Variants in VAT1L observed in about 807,000 individuals in gnomAD.
The protein encoded by VAT1L is vesicle amine transport 1 like.
Under a neutral mutation model 44.1 loss-of-function variants are expected in VAT1L, and 34 were observed. The observed-to-expected ratio is 0.77, with a 90% confidence interval of 0.59 to 1.03. VAT1L has a LOEUF of 1.03. Among genes scored for constraint, VAT1L ranks in the 50% least tolerant of loss-of-function variants. The pLI is 0.00. For missense variants in VAT1L, 615 were observed against 538.8 expected (o/e 1.14, Z -1.40); for synonymous variants, 253 against 202.2 (o/e 1.25, Z -2.13).
chr16:77,823,132 C>T (rs970128604), intron 2 of VAT1L, among the ~76,000 whole-genome samples: 1 of 151,880 alleles, frequency 6.6e-6, no homozygotes, highest in Non-Finnish European at 1.5e-5. Context: ...TTCCAAAATA[C>T]GCAGAACTGG....
intron 7 of VAT1L, among the ~76,000 whole-genome samples, chr16:77,894,689 A>G (rs2142470198): frequency 6.6e-6 from 1 of 152,336 alleles, no homozygotes. Context: ...ATACATTTTA[A>G]GTGGGTGAAT....
chr16:77,925,566 G>A (rs560780799), intron 7 of VAT1L, among the ~76,000 whole-genome samples: 6 of 152,228 alleles, frequency 3.9e-5, no homozygotes, highest in East Asian at 1.9e-4. Context: ...AGCTTTCCAC[G>A]TTCTAGCGTT....
At chr16:77,953,320 G>C (rs2018065409) in intron 7 of VAT1L, among the ~76,000 whole-genome samples, 1 of 152,210 alleles carries the variant, frequency 6.6e-6, no homozygotes, top group Admixed American at 6.5e-5. Flanking sequence ...AGCAACCCTA[G>C]GAAACTAATA....
chr16:77,794,318 G>T (rs1050449737), intron 1 of VAT1L, among the ~76,000 whole-genome samples: 2 of 152,104 alleles, frequency 1.3e-5, no homozygotes, highest in Admixed American at 6.5e-5. Flanking sequence ...TTATGTTTAT[G>T]CACCACATCC....
chr16:77,876,350 T>C lies in VAT1L; in HGVS notation c.723-20T>C. ...CTCCTGACAGGTCACAGAATTTTGC[T>C]TTGCCTTCTCACCATTTAGAATCTC... On this transcript the variant is annotated intron_variant, in intron 4 of 8. Transcript: ENST00000302536. 1 of 1,612,128 alleles carries C rather than the reference T, an allele frequency of 6.2e-7. No homozygotes were observed. The highest frequency in any genetic ancestry group is 8.5e-7 in the Non-Finnish European group (1 of 1,178,166).
intron 7 of VAT1L, among the ~76,000 whole-genome samples, chr16:77,925,905 G>A (rs979818617): frequency 6.6e-6 from 1 of 152,046 alleles, no homozygotes; most frequent in East Asian, 1.9e-4. Flanking sequence ...GCTTTATTGG[G>A]TCCTTGAGTG....
At chr16:77,853,839 T>C (rs1326357652) in intron 3 of VAT1L, among the ~76,000 whole-genome samples, 1 of 152,028 alleles carries the variant, frequency 6.6e-6, no homozygotes, top group African/African-American at 2.4e-5. Context: ...CTACTTCTTT[T>C]GGGGATTAAA....
At chr16:77,975,204 T>TC (rs1272123826) in intron 8 of VAT1L, among the ~76,000 whole-genome samples, 1 of 112,648 alleles carries the variant, frequency 8.9e-6, no homozygotes, top group East Asian at 2.4e-4. Flanking sequence ...CTTTTTTTTT[T>TC]TTTTTTTTTT....
Position 77,825,336 on chromosome 16 carries a change from G to T in VAT1L, c.454G>T (p.Asp152Tyr), listed in dbSNP as rs1385460455. ...GGAGTTTGTCTACAAGATCCCGGAT[G>T]ACATGAGCTTCTCCGAGGCTGCTGC... ...PVEFVYKIPD[D>Y]MSFSEAAAFP... Residue 152 changes from aspartate to tyrosine, a missense_variant, in exon 3 of 9, where the codon GAC (aspartate) becomes TAC (tyrosine). By Grantham distance (160) the Asp-to-Tyr change is radical. Transcript: ENST00000302536. 3.1e-6 allele frequency: 5 copies of T among 1,614,074 alleles called. No individual in the cohort carries two copies. In the South Asian group the frequency reaches 5.5e-5, roughly 18 times the overall value.
intron 4 of VAT1L, among the ~76,000 whole-genome samples, chr16:77,868,398 G>T (rs1446108487): frequency 1.3e-5 from 2 of 152,330 alleles, no homozygotes; most frequent in African/African-American, 4.8e-5. Context: ...AAGACAATGG[G>T]GTTGGCAGCT....
chr16:77,839,119 C>T (rs1334743437), intron 3 of VAT1L, among the ~76,000 whole-genome samples: 4 of 152,014 alleles, frequency 2.6e-5, no homozygotes, highest in Admixed American at 2.6e-4. Flanking sequence ...GACGTAAGTG[C>T]CTGGTCTAGA....
At chr16:77,950,418 AC>A (rs2018028616) in intron 7 of VAT1L, among the ~76,000 whole-genome samples, 1 of 42,736 alleles carries the variant, frequency 2.3e-5, no homozygotes, top group African/African-American at 8.2e-5. Context: ...AAACACACAC[AC>A]ACACACACAC....
intron 7 of VAT1L, among the ~76,000 whole-genome samples, chr16:77,906,118 G>C (rs1597092422): frequency 6.6e-6 from 1 of 152,188 alleles, no homozygotes; most frequent in African/African-American, 2.4e-5. Context: ...GTTCTTTAAA[G>C]TACCTTCTTT....
rs529202582 is a variant in VAT1L, at chr16:77,931,888, T to C, written c.1078-39962T>C. ...ATGTGAACTTTGACTTGCTATTTTT[T>C]ATAGGAAAACTTTGATGTACTGTGA... is the stretch of plus-strand genomic sequence containing the variant. On this transcript the variant is annotated intron_variant, in intron 7 of 8. Coordinates refer to ENST00000302536, the MANE Select transcript of VAT1L (RefSeq NM_020927.3). Among the ~76,000 whole-genome samples, 7 of 152,296 alleles carry C rather than the reference T, an allele frequency of 4.6e-5. No homozygotes were observed. The South Asian group carries it at 1.5e-3, about 32-fold the overall frequency.
chr16:77,835,817 G>A (rs558511962), intron 3 of VAT1L, among the ~76,000 whole-genome samples: 95 of 151,856 alleles, frequency 6.3e-4, no homozygotes, highest in Non-Finnish European at 1.1e-3. Flanking sequence ...AGGTCACAGT[G>A]AGCCAAGATC....
At chr16:77,960,691 T>A (rs1340697544) in intron 7 of VAT1L, among the ~76,000 whole-genome samples, 1 of 152,122 alleles carries the variant, frequency 6.6e-6, no homozygotes, top group Non-Finnish European at 1.5e-5. Context: ...GGGGAATGAA[T>A]AGAGGCCAGA....
At chr16:77,915,254 A>G (rs1262324674) in intron 7 of VAT1L, among the ~76,000 whole-genome samples, 1 of 152,254 alleles carries the variant, frequency 6.6e-6, no homozygotes, top group Non-Finnish European at 1.5e-5. Flanking sequence ...TTTACAGTAA[A>G]GAGTATTGTA....
chr16:77,884,626 G>C lies in VAT1L; in HGVS notation c.901G>C (p.Val301Leu). ...FAKSWWQVEK[V>L]NPIKLYEENK... is the part of the protein sequence containing the mutation. ...TTTGCAGTGGTGGCAGGTGGAGAAG[G>C]TGAACCCCATCAAGCTGTATGAGGA... Residue 301 changes from valine to leucine, a missense_variant, in exon 7 of 9, where the codon GTG becomes CTG. By Grantham distance (32) the Val-to-Leu change is conservative. Coordinates refer to ENST00000302536, the MANE Select transcript of VAT1L (RefSeq NM_020927.3). The surrounding 1 kb of genome is among the most constrained non-coding windows in gnomAD (Gnocchi z 4.5). 1 of 1,613,348 alleles carries C rather than the reference G, an allele frequency of 6.2e-7. No individual in the cohort carries two copies. The highest frequency in any genetic ancestry group is 8.5e-7 in the Non-Finnish European group (1 of 1,179,792).
intron 5 of VAT1L, among the ~76,000 whole-genome samples, chr16:77,878,075 A>G (rs2017108651): frequency 6.6e-6 from 1 of 152,204 alleles, no homozygotes; most frequent in South Asian, 2.1e-4. Context: ...AACTTGATTA[A>G]TCCCATGTGA....
Sources: gnomAD v4.1 joint callset for allele counts (sites outside exome capture counted in the v4.1 genomes callset) on GRCh38, gnomAD v4.1.1 for gene constraint, Gnocchi (gnomAD v3.1) non-coding constraint, MANE v1.5 for transcripts, NCBI Gene and HGNC (gene_info 2026-07-23, HGNC 2026-07-21) for gene names.